TMEM181: variants seen among roughly 807,000 people sequenced by gnomAD.
The protein encoded by TMEM181 is G protein-coupled receptor 178.
TMEM181 carries 39 observed loss-of-function variants against 71.9 expected under a neutral mutation model. The observed-to-expected ratio is 0.54, with a 90% CI of 0.42 to 0.71. TMEM181 has a LOEUF of 0.71. Ranked by LOEUF, TMEM181 falls within the 30% of genes least tolerant of loss-of-function variation. The probability of loss-of-function intolerance (pLI) is 0.00; values close to 1 mark genes in which losing one functional copy is unlikely to be tolerated. For synonymous variants in TMEM181, 245 were observed against 228.8 expected (o/e 1.07, Z -0.64); for missense variants, 595 against 583.0 (o/e 1.02, Z -0.21).
intron 6 of TMEM181, among the ~76,000 whole-genome samples, chr6:158,603,011 C>G (rs757119077): frequency 1.1e-4 from 16 of 152,192 alleles, no homozygotes; most frequent in Non-Finnish European, 2.1e-4. Flanking sequence ...TCTCCCCACC[C>G]CCTTTTAAGA....
chr6:158,586,870 G>A (rs1237244711), intron 5 of TMEM181, among the ~76,000 whole-genome samples: 1 of 152,214 alleles, frequency 6.6e-6, no homozygotes. Context: ...GTGTGAGTGT[G>A]CCTTATGTGT....
At chr6:158,625,081 A>T (rs372304653) in intron 11 of TMEM181, 23 bp from the exon 12 acceptor site, 2 of 1,592,938 alleles carry the variant, frequency 1.3e-6, no homozygotes, top group African/African-American at 2.7e-5. Context: ...TTCCGACTCA[A>T]GTGCTGCCTT....
chr6:158,621,523 G>A (rs997749540), intron 10 of TMEM181: 1 of 191,020 alleles, frequency 5.2e-6, no homozygotes, highest in Non-Finnish European at 1.2e-5. Context: ...AGAGCTCTGA[G>A]CTGGCCAGCT....
intron 6 of TMEM181, among the ~76,000 whole-genome samples, chr6:158,592,383 G>T (rs1338561718): frequency 6.6e-6 from 1 of 152,132 alleles, no homozygotes; most frequent in East Asian, 1.9e-4. Flanking sequence ...AGTAGCTTAT[G>T]CCTGTAATCC....
At chr6:158,558,471 T>C (rs7762392), upstream of TMEM181, among the ~76,000 whole-genome samples, 91,325 of 151,494 alleles carry the variant, frequency 0.6, 28,322 homozygotes, top group East Asian at 0.75. Flanking sequence ...TCAAAGGACT[T>C]TGGGGCTGCA....
In TMEM181 at chr6:158,623,616, TGTTAATGAGGCCTGC is replaced by T. The variant is rs768302806; in HGVS notation, c.954+10_954+24del. 6.4e-7 allele frequency: 1 copy of T among 1,568,196 alleles called. No individual in the cohort carries two copies. The highest frequency in any genetic ancestry group is 8.7e-7 in the Non-Finnish European group (1 of 1,151,122). On this transcript the variant is annotated intron_variant, in intron 11 of 16. Transcript: ENST00000684151. ...ATACCGGAAATTTTCAGGTAAGGAT[TGTTAATGAGGCCTGC>T]AATTTTTCTTCTTAATGCTGTTTTG...
At position 158,577,061 on chromosome 6, in the gene TMEM181, C is replaced by CAA. The variant is rs5881280; in HGVS notation, c.112+3558_112+3559dup. On this transcript the variant is annotated intron_variant, in intron 2 of 16. Transcript: ENST00000684151. ...TGGGCAATAGAGCAAGACTCCATCT[C>CAA]AAAAAAAAAAAAAAAAAAAAAGTCA... is the stretch of plus-strand genomic sequence containing the variant. Among the ~76,000 whole-genome samples, 271 of 75,952 alleles carry CAA rather than the reference C, an allele frequency of 3.6e-3. 1 individual carries two copies. The highest frequency in any genetic ancestry group is 0.012 in the African/African-American group (241 of 20,864). The allele number at this position is 75,952 out of a possible 152,430, so 49.8% of individuals were successfully genotyped here.
chr6:158,536,939 C>T (rs1252001326), intron 1 of TMEM181: 3 of 1,162,132 alleles, frequency 2.6e-6, no homozygotes, highest in African/African-American at 1.6e-5. Context: ...CCCCGGCGCG[C>T]CCCGGCCTTG....
chr6:158,589,798 G>A lies in TMEM181; in HGVS notation c.492+16G>A. 6.5e-7 allele frequency: 1 copy of A among 1,545,892 alleles called. No homozygotes were observed. Among genetic ancestry groups the A allele is most frequent in the Admixed American group, 1.7e-5 (1 of 59,666 alleles). On this transcript the variant is annotated intron_variant, in intron 6 of 16. Transcript: ENST00000684151. ...GAACTTCACAGTAAGTATACCAGCT[G>A]ACTGCACGTTTCCATGGCTCATGTT...
At chr6:158,574,078 A>G (rs1311115215) in intron 2 of TMEM181, among the ~76,000 whole-genome samples, 3 of 126,720 alleles carry the variant, frequency 2.4e-5, no homozygotes, top group African/African-American at 9.1e-5. Flanking sequence ...TGCAGAGGGC[A>G]GGCAACCAGG....
At chr6:158,589,486 C>G (rs1016168390) in intron 5 of TMEM181, among the ~76,000 whole-genome samples, 186 bp from the exon 6 acceptor site, 12 of 152,092 alleles carry the variant, frequency 7.9e-5, no homozygotes, top group African/African-American at 2.9e-4. Context: ...TCCAAAAATA[C>G]CCATTTGGTT....
intron 1 of TMEM181, among the ~76,000 whole-genome samples, chr6:158,570,248 T>G (rs1299007424): frequency 6.6e-6 from 1 of 151,126 alleles, no homozygotes; most frequent in African/African-American, 2.4e-5. Context: ...TTTTTTTTTT[T>G]TTGAGATGGA....
intron 1 of TMEM181, chr6:158,572,444 A>C (rs1782910846): frequency 2.2e-6 from 1 of 456,522 alleles, no homozygotes; most frequent in Non-Finnish European, 4.4e-6. Flanking sequence ...AGAGAGCAAA[A>C]CAGACAGCGC....
chr6:158,559,813 G>A (rs920834512), upstream of TMEM181, among the ~76,000 whole-genome samples: 2 of 152,214 alleles, frequency 1.3e-5, no homozygotes, highest in Admixed American at 6.5e-5. Flanking sequence ...CCATCCTTAC[G>A]CCCCGACACT....
intron 10 of TMEM181, among the ~76,000 whole-genome samples, chr6:158,614,983 C>T (rs1183500191): frequency 6.6e-6 from 1 of 152,064 alleles, no homozygotes; most frequent in Non-Finnish European, 1.5e-5. Context: ...CATGATTTGT[C>T]ATCCTTTGGG....
intron 2 of TMEM181, among the ~76,000 whole-genome samples, chr6:158,577,338 C>T (rs561104289): frequency 6.6e-6 from 1 of 152,168 alleles, no homozygotes; most frequent in East Asian, 1.9e-4. Flanking sequence ...GATTCAAAGG[C>T]AGATTTGAAC....
At chr6:158,611,660 G>T in intron 10 of TMEM181, 1 of 293,218 alleles carries the variant, frequency 3.4e-6, no homozygotes, top group Middle Eastern at 6.6e-4. Flanking sequence ...TCTGAATCAG[G>T]CAGCCTTTGG....
At chr6:158,617,126 G>A (rs1183200196) in intron 10 of TMEM181, among the ~76,000 whole-genome samples, 1 of 152,130 alleles carries the variant, frequency 6.6e-6, no homozygotes, top group African/African-American at 2.4e-5. Flanking sequence ...ACTTTTTTTC[G>A]TTGGTAAGCT....
chr6:158,581,631 T>G (rs376653496), intron 3 of TMEM181, among the ~76,000 whole-genome samples: 34 of 151,508 alleles, frequency 2.2e-4, no homozygotes, highest in African/African-American at 7.5e-4. Flanking sequence ...GGGGGGCGCC[T>G]GTAGTCCCAG....
Sources: gnomAD v4.1 joint callset for allele counts (sites outside exome capture counted in the v4.1 genomes callset) on GRCh38, gnomAD v4.1.1 for gene constraint, MANE v1.5 for transcripts, NCBI Gene and HGNC (gene_info 2026-07-23, HGNC 2026-07-21) for gene names.